Variants in DHRSX observed in about 807,000 individuals in gnomAD.
DHRSX encodes dehydrogenase/reductase X-linked.
In DHRSX, 31 loss-of-function variants were observed where a neutral mutation model predicts 34.0. That is an observed-to-expected ratio of 0.91 (90% confidence interval 0.69 to 1.23). The LOEUF (loss-of-function observed/expected upper bound fraction) is 1.23, where lower values mean the gene tolerates loss of function less well. DHRSX is among the 50% of genes most tolerant of loss of function. The pLI is 0.00. For missense variants in DHRSX, 414 were observed against 428.1 expected (o/e 0.97, Z 0.29); for synonymous variants, 201 against 183.8 (o/e 1.09, Z -0.76).
chrX:2,352,134 C>T (rs1375297191), intron 3 of DHRSX, among the ~76,000 whole-genome samples: 1 of 152,086 alleles, frequency 6.6e-6, no homozygotes, highest in Non-Finnish European at 1.5e-5. Flanking sequence ...GATGTCCTCC[C>T]GTATTCTCTA....
chrX:2,291,001 AG>A (rs2041858674), intron 4 of DHRSX, among the ~76,000 whole-genome samples: 1 of 152,202 alleles, frequency 6.6e-6, no homozygotes, highest in African/African-American at 2.4e-5. Flanking sequence ...CGAGGCTCAA[AG>A]AAGGGCTCAA....
intron 3 of DHRSX, among the ~76,000 whole-genome samples, chrX:2,296,317 C>T (rs1316801831): frequency 6.6e-6 from 1 of 152,028 alleles, no homozygotes; most frequent in East Asian, 1.9e-4. Flanking sequence ...GGCGCTCTGC[C>T]GCATGCCAGC....
chrX:2,249,722 CTGTG>C (rs2016392128), intron 5 of DHRSX, among the ~76,000 whole-genome samples: 2 of 151,562 alleles, frequency 1.3e-5, no homozygotes, highest in South Asian at 4.2e-4. Context: ...TGGGGTGTCA[CTGTG>C]TTGGCCAGGC....
chrX:2,338,673 G>A (rs1265177988), intron 3 of DHRSX, among the ~76,000 whole-genome samples: 1 of 151,968 alleles, frequency 6.6e-6, no homozygotes, highest in African/African-American at 2.4e-5. Flanking sequence ...ACACATACCA[G>A]CTCCCCTTCC....
chrX:2,304,349 A>C (rs1028846338), intron 3 of DHRSX, among the ~76,000 whole-genome samples: 20 of 151,296 alleles, frequency 1.3e-4, no homozygotes, highest in African/African-American at 4.6e-4. Flanking sequence ...TGATGGATGG[A>C]TGGATGGATG....
At chrX:2,323,390 C>G (rs1385566662) in intron 3 of DHRSX, among the ~76,000 whole-genome samples, 3 of 152,108 alleles carry the variant, frequency 2.0e-5, no homozygotes, top group Non-Finnish European at 4.4e-5. Context: ...CTGTTACACT[C>G]AGAGTACTCC....
At chrX:2,341,052 T>C (rs2042634295) in intron 3 of DHRSX, among the ~76,000 whole-genome samples, 1 of 151,844 alleles carries the variant, frequency 6.6e-6, no homozygotes, top group African/African-American at 2.4e-5. Flanking sequence ...GGGGAGAAAA[T>C]GGCTGCCGCT....
chrX:2,433,729 T>G (rs1331333009), intron 1 of DHRSX, among the ~76,000 whole-genome samples: 2 of 152,152 alleles, frequency 1.3e-5, no homozygotes, highest in Non-Finnish European at 2.9e-5. Context: ...GCAAAGGACA[T>G]GAACTCATCC....
chrX:2,418,031 T>G (rs2043718398), intron 2 of DHRSX, among the ~76,000 whole-genome samples: 1 of 151,876 alleles, frequency 6.6e-6, no homozygotes, highest in Non-Finnish European at 1.5e-5. Flanking sequence ...CTACATTTCA[T>G]CAGGACCTAA....
At chrX:2,472,475 C>A (rs192861465) in intron 1 of DHRSX, among the ~76,000 whole-genome samples, 3 of 152,112 alleles carry the variant, frequency 2.0e-5, no homozygotes, top group African/African-American at 7.2e-5. Flanking sequence ...TGCCCCTGAA[C>A]CTGAAAGTTT....
chrX:2,300,067 G>A (rs2041993227), intron 3 of DHRSX, among the ~76,000 whole-genome samples: 1 of 152,102 alleles, frequency 6.6e-6, no homozygotes, highest in African/African-American at 2.4e-5. Context: ...CTGGTTTGGA[G>A]GAACTGAATT....
At chrX:2,456,695 G>A (rs2044303101) in intron 1 of DHRSX, among the ~76,000 whole-genome samples, 1 of 151,118 alleles carries the variant, frequency 6.6e-6, no homozygotes, top group South Asian at 2.1e-4. Context: ...TCCACCCTGG[G>A]CCCTGGAACT....
chrX:2,333,771 A>G (rs2042513851), intron 3 of DHRSX, among the ~76,000 whole-genome samples: 1 of 151,842 alleles, frequency 6.6e-6, no homozygotes, highest in African/African-American at 2.4e-5. Flanking sequence ...GCAGACCCCA[A>G]TGTCTGTTGT....
rs34876710 is a variant in DHRSX, at chrX:2,398,670, CTT to C, written c.286+10073_286+10074del. ...GCAAAGAAACGTTAAATGCATATTC[CTT>C]TTTTTTTTTTTTTTTGAGATGGACT... On this transcript the variant is annotated intron_variant, in intron 3 of 6. Transcript: ENST00000334651. Among the ~76,000 whole-genome samples, 396 of 129,960 alleles carry C rather than the reference CTT, an allele frequency of 3.0e-3. 4 individuals are homozygous for C. The highest frequency in any genetic ancestry group is 0.011 in the African/African-American group (364 of 34,636). 85.3% of individuals were successfully genotyped at this position (129,960 alleles called of 152,430 possible).
chrX:2,254,308 G>A (rs2041246216), intron 5 of DHRSX, among the ~76,000 whole-genome samples: 1 of 152,136 alleles, frequency 6.6e-6, no homozygotes, highest in South Asian at 2.1e-4. Context: ...TCCATTGCAG[G>A]ACATTGTTGC....
intron 1 of DHRSX, among the ~76,000 whole-genome samples, chrX:2,428,479 A>T (rs2043876916): frequency 6.6e-6 from 1 of 152,292 alleles, no homozygotes; most frequent in Middle Eastern, 3.4e-3. Flanking sequence ...AGGGACATGG[A>T]TGAAGCTGGA....
chrX:2,250,124 T>A (rs765054713), intron 5 of DHRSX, among the ~76,000 whole-genome samples: 63 of 141,954 alleles, frequency 4.4e-4, no homozygotes, highest in African/African-American at 1.7e-3. Context: ...ATCACGCCAC[T>A]GCACTCCAGC....
intron 6 of DHRSX, among the ~76,000 whole-genome samples, chrX:2,232,128 C>T (rs2015909052): frequency 6.6e-6 from 1 of 151,276 alleles, no homozygotes; most frequent in Non-Finnish European, 1.5e-5. Context: ...CCTTCCTCCT[C>T]TTCCCCTTCC....
chrX:2,367,581 A>G (rs928590341), intron 3 of DHRSX, among the ~76,000 whole-genome samples: 2 of 152,194 alleles, frequency 1.3e-5, no homozygotes, highest in African/African-American at 2.4e-5. Context: ...AAGGACAAAG[A>G]TGCATGGAAA....
Sources: gnomAD v4.1 joint callset for allele counts (sites outside exome capture counted in the v4.1 genomes callset) on GRCh38, gnomAD v4.1.1 for gene constraint, MANE v1.5 for transcripts, NCBI Gene and HGNC (gene_info 2026-07-23, HGNC 2026-07-21) for gene names.